The following SLCO5A1 variants were observed in gnomAD, a reference collection of about 807,000 sequenced individuals.
SLCO5A1 encodes the protein solute carrier organic anion transporter family member 5A1.
In SLCO5A1, 39 loss-of-function variants were observed where a neutral mutation model predicts 65.1. That is an observed-to-expected ratio of 0.60 (90% confidence interval 0.46 to 0.78). SLCO5A1 has a LOEUF of 0.78. SLCO5A1 is among the 30% of genes least tolerant of loss of function. The pLI, the probability that SLCO5A1 is intolerant of heterozygous loss-of-function variation, is 0.00. For synonymous variants in SLCO5A1, 438 were observed against 415.7 expected (o/e 1.05, Z -0.65); for missense variants, 1,029 against 1,069.4 (o/e 0.96, Z 0.53).
At chr8:69,802,520 TAA>T (rs57817058) in intron 2 of SLCO5A1, among the ~76,000 whole-genome samples, 196 of 126,860 alleles carry the variant, frequency 1.5e-3, no homozygotes, top group South Asian at 2.5e-3. Context: ...AAAAAAACAC[TAA>T]AAAAAAAAAA....
At chr8:69,827,685 T>G (rs1158921272) in intron 2 of SLCO5A1, among the ~76,000 whole-genome samples, 1 of 152,088 alleles carries the variant, frequency 6.6e-6, no homozygotes, top group African/African-American at 2.4e-5. Context: ...TGGCAAAAAA[T>G]GTAATGCAAT....
intron 2 of SLCO5A1, among the ~76,000 whole-genome samples, chr8:69,826,196 T>A (rs1451974064): frequency 6.6e-6 from 1 of 151,838 alleles, no homozygotes; most frequent in Non-Finnish European, 1.5e-5. Flanking sequence ...AACCTAGGCA[T>A]TACCATTCAG....
chr8:69,724,538 T>G lies in SLCO5A1; in HGVS notation c.1423+13502A>C, dbSNP rs891368180. Among the ~76,000 whole-genome samples, 6 of 152,318 alleles carry G rather than the reference T, an allele frequency of 3.9e-5. No individual in the cohort carries two copies. The South Asian group carries it at 1.2e-3, about 32-fold the overall frequency. On this transcript the variant is annotated intron_variant, in intron 5 of 9. Transcript: ENST00000260126. ...TATCCAAATAAACCCAAGTTCTACC[T>G]TCTGGACAATGGAAAGATGCCTCAC...
chr8:69,704,987 A>G (rs769417055), intron 6 of SLCO5A1, 44 bp downstream of exon 6: 2 of 1,571,272 alleles, frequency 1.3e-6, no homozygotes, highest in Admixed American at 3.3e-5. Flanking sequence ...AGGGCTTTGC[A>G]CCTCCATCGT....
intron 2 of SLCO5A1, among the ~76,000 whole-genome samples, chr8:69,763,037 C>T (rs766275445): frequency 1.9e-4 from 29 of 152,170 alleles, no homozygotes; most frequent in African/African-American, 6.8e-4. Context: ...AGGCCAGGCA[C>T]GGTGGGTCAC....
chr8:69,824,512 A>C (rs1471660119), intron 2 of SLCO5A1, among the ~76,000 whole-genome samples: 1 of 152,236 alleles, frequency 6.6e-6, no homozygotes, highest in East Asian at 1.9e-4. Context: ...TCCGCAAATA[A>C]ACTAGAAAAT....
chr8:69,702,061 T>C (rs1814762534), intron 6 of SLCO5A1, among the ~76,000 whole-genome samples: 2 of 152,214 alleles, frequency 1.3e-5, no homozygotes, highest in South Asian at 4.1e-4. Context: ...CTAAAAAGAA[T>C]TTAAAATTAT....
chr8:69,695,867 TA>T (rs1038498638), intron 6 of SLCO5A1, among the ~76,000 whole-genome samples: 4 of 152,204 alleles, frequency 2.6e-5, no homozygotes, highest in African/African-American at 7.2e-5. Flanking sequence ...CTGTAACTAA[TA>T]TGGGCTACTA....
chr8:69,766,260 T>C (rs1818053805), intron 2 of SLCO5A1, among the ~76,000 whole-genome samples: 1 of 152,160 alleles, frequency 6.6e-6, no homozygotes, highest in South Asian at 2.1e-4. Context: ...TCTAGAAACA[T>C]GAGCCAGATC....
Position 69,806,317 on chromosome 8 carries a change from T to C in SLCO5A1, c.907+25450A>G, listed in dbSNP as rs111569403. 2.1e-4 allele frequency among the ~76,000 whole-genome samples: 32 copies of C among 152,374 alleles called. 1 individual carries two copies. The highest frequency in any genetic ancestry group is 7.2e-4 in the African/African-American group (30 of 41,590). On this transcript the variant is annotated intron_variant, in intron 2 of 9. Transcript: ENST00000260126. The stretch of plus-strand genomic sequence containing the variant: ...TGCAATATATAGTTTCCTTGATTTA[T>C]AGCACTTGCCTTGGTTTGTAATTCC...
Position 69,834,846 on chromosome 8 carries a change from C to T in SLCO5A1, c.-497+8G>A, listed in dbSNP as rs1045396440. 6.5e-6 allele frequency: 1 copy of T among 153,356 alleles called. No homozygotes were observed. Among genetic ancestry groups the T allele is most frequent in the Admixed American group, 6.5e-5 (1 of 15,302 alleles). The allele number at this position is 153,356 out of a possible 1,614,324, so 9.5% of individuals were successfully genotyped here. On this transcript the variant is annotated splice_region_variant and intron_variant, in intron 1 of 9. Coordinates refer to ENST00000260126, the MANE Select transcript of SLCO5A1 (RefSeq NM_030958.3). ...CGCTGCCCGGGCGCTCAAGCCGCCG[C>T]TACTCACTAGCGAGTCTGTCAGTCT... is the stretch of plus-strand genomic sequence containing the variant.
At chr8:69,813,197 TAA>T (rs74909916) in intron 2 of SLCO5A1, among the ~76,000 whole-genome samples, 1 of 147,944 alleles carries the variant, frequency 6.8e-6, no homozygotes, top group South Asian at 2.2e-4. Context: ...GTTCTCTTTA[TAA>T]AAAAAAAAGT....
chr8:69,702,475 A>T (rs1197469022), intron 6 of SLCO5A1, among the ~76,000 whole-genome samples: 2 of 151,676 alleles, frequency 1.3e-5, no homozygotes, highest in African/African-American at 2.4e-5. Context: ...AGGCACTATC[A>T]AGAAGCCACA....
chr8:69,765,360 A>G (rs1818013666), intron 2 of SLCO5A1, among the ~76,000 whole-genome samples: 1 of 151,980 alleles, frequency 6.6e-6, no homozygotes, highest in Admixed American at 6.6e-5. Context: ...GAATGTGTGT[A>G]TATGTATATT....
At chr8:69,748,168 G>A (rs1817122612) in intron 4 of SLCO5A1, among the ~76,000 whole-genome samples, 1 of 152,144 alleles carries the variant, frequency 6.6e-6, no homozygotes, top group Non-Finnish European at 1.5e-5. Flanking sequence ...CAGTCACCTG[G>A]CAGCTTAGCA....
rs1813268682 is a variant in SLCO5A1, at chr8:69,669,434, T to C, written c.*3435A>G. 1 of 152,224 alleles carries C rather than the reference T, an allele frequency of 6.6e-6. No homozygotes were observed. Among genetic ancestry groups the C allele is most frequent in the Non-Finnish European group, 1.5e-5 (1 of 68,044 alleles). The allele number at this position is 152,224 out of a possible 1,614,324, so 9.4% of individuals were successfully genotyped here. A position where few individuals can be genotyped will look rare whatever the true frequency, so the allele number is the denominator to read the frequency against. On this transcript the variant is annotated 3_prime_UTR_variant, in exon 10 of 10. Transcript: ENST00000260126. Reference sequence around the variant, plus strand: ...TGAATAATGGAGTGAGAGAAATCTATGTCTGAATCCTGACTTTACCATTCT... The same window carrying C: ...TGAATAATGGAGTGAGAGAAATCTACGTCTGAATCCTGACTTTACCATTCT...
At position 69,764,143 on chromosome 8, in the gene SLCO5A1, G is replaced by A. The variant is rs150552751; in HGVS notation, c.908-2268C>T. 2.9e-3 allele frequency among the ~76,000 whole-genome samples: 449 copies of A among 152,284 alleles called. 4 individuals are homozygous for A. The highest frequency in any genetic ancestry group is 0.01 in the African/African-American group (419 of 41,558). ...CTCCCAAAGTGCTGAGATTACAGAC[G>A]TGAGTCACCACACCCAGCCAATAAA... On this transcript the variant is annotated intron_variant, in intron 2 of 9. Transcript: ENST00000260126.
intron 8 of SLCO5A1, among the ~76,000 whole-genome samples, chr8:69,677,008 C>T (rs946781031): frequency 6.6e-6 from 1 of 152,008 alleles, no homozygotes; most frequent in African/African-American, 2.4e-5. Context: ...TATAGAATTT[C>T]ATCTTAAATA....
rs2130917764 is a variant in SLCO5A1 at position 69,818,690 on chromosome 8, G to C, written c.907+13077C>G. Among the ~76,000 whole-genome samples, 3 of 152,276 alleles carry C rather than the reference G, an allele frequency of 2.0e-5. No homozygotes were observed. In the South Asian group the frequency reaches 6.2e-4, roughly 32 times the overall value. On this transcript the variant is annotated intron_variant, in intron 2 of 9. Coordinates refer to ENST00000260126, the MANE Select transcript of SLCO5A1 (RefSeq NM_030958.3). ...TTGTTTTGCAGTTAGACCCAAAATGGGTTTGTTTCCCAGCCTGGTAGATGA... is the reference window on the plus strand; with the variant it reads ...TTGTTTTGCAGTTAGACCCAAAATGCGTTTGTTTCCCAGCCTGGTAGATGA...
Sources: gnomAD v4.1 joint callset for allele counts (sites outside exome capture counted in the v4.1 genomes callset) on GRCh38, gnomAD v4.1.1 for gene constraint, MANE v1.5 for transcripts, NCBI Gene and HGNC (gene_info 2026-07-23, HGNC 2026-07-21) for gene names.